The following JMY variants were observed in gnomAD, a reference collection of about 807,000 sequenced individuals.
JMY encodes junction-mediating and -regulatory protein.
A neutral mutation model predicts 103.3 loss-of-function variants in JMY; 46 were observed. That is an observed-to-expected ratio of 0.45 (90% CI 0.35 to 0.57). The LOEUF (loss-of-function observed/expected upper bound fraction) is 0.57, where lower values mean the gene tolerates loss of function less well. Among genes scored for constraint, JMY ranks in the 20% least tolerant of loss-of-function variants. The probability of loss-of-function intolerance (pLI) is 0.00; values close to 1 mark genes in which losing one functional copy is unlikely to be tolerated. For missense variants in JMY, 1,238 were observed against 1,255.2 expected (o/e 0.99, Z 0.21); for synonymous variants, 526 against 489.3 (o/e 1.07, Z -0.99).
intron 8 of JMY, among the ~76,000 whole-genome samples, chr5:79,312,762 A>C (rs1438175552): frequency 6.6e-6 from 1 of 152,174 alleles, no homozygotes; most frequent in African/African-American, 2.4e-5. Context: ...TGGGAAACCT[A>C]GATTCCTCTT....
intron 1 of JMY, among the ~76,000 whole-genome samples, chr5:79,275,619 A>T (rs191180632): frequency 6.6e-6 from 1 of 152,284 alleles, no homozygotes; most frequent in East Asian, 1.9e-4. Flanking sequence ...GTCACTCTGT[A>T]GTGCCTACAG....
chr5:79,284,805 C>CAT lies in JMY; in HGVS notation c.1207-5314_1207-5313dup, dbSNP rs1013299173. On this transcript the variant is annotated intron_variant, in intron 2 of 10. Transcript: ENST00000396137. ...TCTTTCCAATATTTCTTATATTGAA[C>CAT]ATAGCAGGTGCTTTCACATCATACC... 28 of 1,576,162 alleles carry CAT rather than the reference C, an allele frequency of 1.8e-5. No homozygotes were observed. In the Middle Eastern group the frequency reaches 1.1e-3, roughly 64 times the overall value.
chr5:79,312,391 AT>A lies in JMY; in HGVS notation c.1969-6del. On this transcript the variant is annotated splice_polypyrimidine_tract_variant and intron_variant, in intron 7 of 10. Coordinates refer to ENST00000396137, the MANE Select transcript of JMY (RefSeq NM_152405.5). ...ACACAGCATAATGGAATTATTATTAATTTTTTACCAGAAGAGAGAAAAATTA... is the reference window on the plus strand; with the variant it reads ...ACACAGCATAATGGAATTATTATTAATTTTTACCAGAAGAGAGAAAAATTA... 2 of 1,481,266 alleles carry A rather than the reference AT, an allele frequency of 1.4e-6. No individual in the cohort carries two copies. Among genetic ancestry groups the A allele is most frequent in the Non-Finnish European group, 1.8e-6 (2 of 1,090,352 alleles). 91.8% of individuals were successfully genotyped at this position (1,481,266 alleles called of 1,614,324 possible). A position where few individuals can be genotyped will look rare whatever the true frequency, so the allele number is the denominator to read the frequency against.
chr5:79,244,800 C>T (rs1744841684), intron 1 of JMY, among the ~76,000 whole-genome samples: 1 of 150,472 alleles, frequency 6.6e-6, no homozygotes, highest in African/African-American at 2.4e-5. Flanking sequence ...GACATAGGCA[C>T]TGAAAACTAA....
chr5:79,316,528 T>C (rs1344504763), intron 10 of JMY, among the ~76,000 whole-genome samples: 1 of 152,140 alleles, frequency 6.6e-6, no homozygotes, highest in Admixed American at 6.5e-5. Context: ...GTAAATACTA[T>C]TTTTAAAAAT....
chr5:79,295,167 G>T (rs552354186), intron 4 of JMY, among the ~76,000 whole-genome samples: 1 of 152,146 alleles, frequency 6.6e-6, no homozygotes, highest in African/African-American at 2.4e-5. Context: ...CCAGCAGAAC[G>T]CCCTGTAATC....
At chr5:79,246,016 T>C (rs1001407603) in intron 1 of JMY, among the ~76,000 whole-genome samples, 11 of 152,206 alleles carry the variant, frequency 7.2e-5, no homozygotes, top group African/African-American at 2.7e-4. Flanking sequence ...TGAGAAAGCC[T>C]AAATTCACTT....
At chr5:79,284,754 G>T in intron 2 of JMY, 1 of 1,579,690 alleles carries the variant, frequency 6.3e-7, no homozygotes, top group Non-Finnish European at 8.6e-7. Context: ...ATGCAATTTT[G>T]GTTCCTTGGG....
In JMY at chr5:79,236,788, C is replaced by T; in HGVS notation, c.138C>T (p.Cys46=). 6.6e-7 allele frequency: 1 copy of T among 1,511,274 alleles called. No individual in the cohort carries two copies. The highest frequency in any genetic ancestry group is 2.1e-5 in the Admixed American group (1 of 46,706). The allele number at this position is 1,511,274 out of a possible 1,614,324, so 93.6% of individuals were successfully genotyped here. The change falls in exon 1 of 11, where the codon TGC becomes TGT. Residue 46 remains cysteine, a synonymous_variant. Transcript: ENST00000396137. ...NEIEGKFAIT[C]HNRTAQRQRS... ...TTGAGGGCAAGTTTGCCATAACCTG[C>T]CACAACCGGACGGCCCAGAGGCAGA...
intron 1 of JMY, among the ~76,000 whole-genome samples, chr5:79,266,524 A>G (rs1020879885): frequency 2.5e-4 from 38 of 152,376 alleles, no homozygotes; most frequent in African/African-American, 8.7e-4. Context: ...TATACAATGT[A>G]TAATGATCAC....
At chr5:79,288,716 G>GTTTTT (rs542455082) in intron 2 of JMY, among the ~76,000 whole-genome samples, 1 of 146,472 alleles carries the variant, frequency 6.8e-6, no homozygotes. Context: ...GTTTTGTTTT[G>GTTTTT]TTTTTTTTTG....
chr5:79,323,363 C>T lies in JMY; in HGVS notation c.*1761C>T, dbSNP rs2112131166. 6.6e-6 allele frequency: 1 copy of T among 152,340 alleles called. No homozygotes were observed. The highest frequency in any genetic ancestry group is 3.4e-3 in the Middle Eastern group (1 of 294). The allele number at this position is 152,340 out of a possible 1,614,324, so 9.4% of individuals were successfully genotyped here. A position where few individuals can be genotyped will look rare whatever the true frequency, so the allele number is the denominator to read the frequency against. The stretch of plus-strand genomic sequence containing the variant: ...GGTTTTAGTTCCCACACTATTCCCA[C>T]ATCTTATCTGGGAAGATTAGAAATA... On this transcript the variant is annotated 3_prime_UTR_variant, in exon 11 of 11. Transcript: ENST00000396137.
chr5:79,299,332 T>C (rs1018186307), intron 4 of JMY, among the ~76,000 whole-genome samples: 1 of 152,206 alleles, frequency 6.6e-6, no homozygotes, highest in Non-Finnish European at 1.5e-5. Flanking sequence ...AGCCATTCCT[T>C]TGGCTTCTTT....
chr5:79,284,164 C>T (rs1013089018), intron 2 of JMY: 1 of 1,568,544 alleles, frequency 6.4e-7, no homozygotes, highest in Admixed American at 1.7e-5. Flanking sequence ...GGTTCAAAAC[C>T]ATCAGCTCGT....
chr5:79,311,139 CCACACCTT>C (rs1747035193), intron 7 of JMY, among the ~76,000 whole-genome samples: 1 of 139,144 alleles, frequency 7.2e-6, no homozygotes, highest in Non-Finnish European at 1.5e-5. Flanking sequence ...AATTAGCCTA[CCACACCTT>C]CTTTTTTTTT....
At chr5:79,293,403 CT>C (rs5868984) in intron 4 of JMY, among the ~76,000 whole-genome samples, 138,027 of 146,840 alleles carry the variant, frequency 0.94, 64,930 homozygotes, top group South Asian at 0.99. Context: ...CTTTTTTTAA[CT>C]TTTTTTTTTT....
rs147268480 is a variant in JMY, at chr5:79,253,836, C to T, written c.1032+16154C>T. 6.0e-3 allele frequency among the ~76,000 whole-genome samples: 912 copies of T among 151,444 alleles called. 10 individuals are homozygous for T. Among genetic ancestry groups the T allele is most frequent in the African/African-American group, 0.021 (868 of 41,354 alleles). ...GGGGCCACAAGTGTATGCCACCACT[C>T]TTTATTTTTTTGTAGAAATGGGGTT... On this transcript the variant is annotated intron_variant, in intron 1 of 10. Transcript: ENST00000396137.
chr5:79,258,565 C>T (rs902738380), intron 1 of JMY, among the ~76,000 whole-genome samples: 2 of 151,938 alleles, frequency 1.3e-5, no homozygotes, highest in African/African-American at 4.8e-5. Context: ...TGTTAGTGAG[C>T]GTGGGGTCTG....
In JMY at chr5:79,237,129, CGGCGG is replaced by C; in HGVS notation, c.482_486del (p.Ala161GlyfsTer153). The stretch of plus-strand genomic sequence containing the variant: ...CAGAAAACATCTGAAGCCGACGATG[CGGCGG>C]GGGCAGCCGCTGCAGCAGCCCGGCC... On this transcript the variant is annotated frameshift_variant, in exon 1 of 11. Coordinates refer to ENST00000396137, the MANE Select transcript of JMY (RefSeq NM_152405.5). LOFTEE classifies it high-confidence loss of function. The C allele has an allele frequency of 6.5e-7, 1 of 1,545,724 alleles. No individual in the cohort carries two copies. Among genetic ancestry groups the C allele is most frequent in the Admixed American group, 2.0e-5 (1 of 50,904 alleles).
Sources: gnomAD v4.1 joint callset for allele counts (sites outside exome capture counted in the v4.1 genomes callset) on GRCh38, gnomAD v4.1.1 for gene constraint, MANE v1.5 for transcripts, NCBI Gene and HGNC (gene_info 2026-07-23, HGNC 2026-07-21) for gene names.